Variants in DNAJC8 observed in about 807,000 individuals in gnomAD.
DNAJC8 encodes dnaJ homolog subfamily C member 8.
In DNAJC8, 24 loss-of-function variants were observed where a neutral mutation model predicts 43.2. The ratio of observed to expected loss-of-function variants is 0.56; its 90% CI spans 0.40 to 0.78. The LOEUF (loss-of-function observed/expected upper bound fraction) is 0.78, where lower values mean the gene tolerates loss of function less well. Ranked by LOEUF, DNAJC8 falls within the 30% of genes least tolerant of loss-of-function variation. The pLI, the probability that DNAJC8 is intolerant of heterozygous loss-of-function variation, is 0.00. For missense variants in DNAJC8, 207 were observed against 299.4 expected (o/e 0.69, Z 2.28); for synonymous variants, 83 against 98.0 (o/e 0.85, Z 0.90).
chr1:28,208,268 TTC>T (rs1241016209), intron 6 of DNAJC8, 72 bp downstream of exon 6: 2 of 1,114,080 alleles, frequency 1.8e-6, no homozygotes, highest in Admixed American at 2.3e-5. Context: ...TTCTTTTGGC[TTC>T]TGTCTCTGTA....
chr1:28,226,634 G>T (rs1446444101), intron 2 of DNAJC8, among the ~76,000 whole-genome samples: 3 of 151,042 alleles, frequency 2.0e-5, no homozygotes, highest in African/African-American at 7.3e-5. Context: ...TTTCTTGGGG[G>T]GTGACATATT....
Position 28,229,057 on chromosome 1 carries a change from G to C in DNAJC8, c.79-34C>G, listed in dbSNP as rs751548767. ...ATGAGGATTAAAAACTTCATTAATA[G>C]AATTCAATAACAAACTGAATTATCT... On this transcript the variant is annotated intron_variant, in intron 1 of 8. Transcript: ENST00000263697. The C allele has an allele frequency of 4.5e-6, 7 of 1,538,806 alleles. No individual in the cohort carries two copies. In the South Asian group the frequency reaches 7.9e-5, roughly 17 times the overall value.
At chr1:28,232,736 C>G (rs182710353) in intron 1 of DNAJC8, among the ~76,000 whole-genome samples, 185 bp downstream of exon 1, 1 of 152,260 alleles carries the variant, frequency 6.6e-6, no homozygotes, top group Admixed American at 6.5e-5. Flanking sequence ...CTTTCGTTGC[C>G]CCGGGGGATC....
chr1:28,204,882 G>T (rs1203015881), intron 7 of DNAJC8, among the ~76,000 whole-genome samples: 1 of 152,072 alleles, frequency 6.6e-6, no homozygotes, highest in Non-Finnish European at 1.5e-5. Flanking sequence ...AATTAGCCGG[G>T]CATGGTGGTG....
At chr1:28,206,095 G>A (rs972955958) in intron 6 of DNAJC8, among the ~76,000 whole-genome samples, 4 of 152,138 alleles carry the variant, frequency 2.6e-5, no homozygotes, top group Admixed American at 6.5e-5. Context: ...AGAAGGCTGA[G>A]GTGGGAGGAT....
chr1:28,207,207 G>A (rs565212259), intron 6 of DNAJC8, among the ~76,000 whole-genome samples: 69 of 151,788 alleles, frequency 4.5e-4, no homozygotes, highest in African/African-American at 1.4e-3. Flanking sequence ...ATGACATCCC[G>A]TCTCTATTAA....
At chr1:28,226,264 GA>G (rs1356200390) in intron 2 of DNAJC8, among the ~76,000 whole-genome samples, 1 of 151,090 alleles carries the variant, frequency 6.6e-6, no homozygotes, top group African/African-American at 2.4e-5. Flanking sequence ...ACGGCACTTT[GA>G]GAGGCCGAGG....
chr1:28,216,564 G>C (rs1007024946), intron 2 of DNAJC8, among the ~76,000 whole-genome samples: 6 of 151,908 alleles, frequency 3.9e-5, no homozygotes, highest in Non-Finnish European at 8.8e-5. Context: ...AATAAATTTT[G>C]CTGTGTGTAT....
intron 7 of DNAJC8, among the ~76,000 whole-genome samples, chr1:28,204,908 A>G (rs1646758895): frequency 6.6e-6 from 1 of 152,194 alleles, no homozygotes; most frequent in African/African-American, 2.4e-5. Flanking sequence ...CTGTAGTCCC[A>G]GCTACTCAGG....
chr1:28,214,967 A>C lies in DNAJC8; in HGVS notation c.210T>G (p.Asp70Glu). The change falls in exon 3 of 9, where the codon GAT becomes GAG. Residue 70 changes from aspartate (D) to glutamate (E), a missense_variant. This residue lies in a region of DNAJC8 where 159 missense variants were observed against 267.5 expected (regional missense o/e 0.59). Coordinates refer to ENST00000263697, the MANE Select transcript of DNAJC8 (RefSeq NM_014280.3). The part of the protein sequence containing the change: ...EVLQIDPEVT[D>E]EEIKKRFRQL... ...GCCGAAACCTCTTTTTTATTTCTTCATCTGTAACTTCAGGATCTATCTGAA... is the reference window on the plus strand; with the variant it reads ...GCCGAAACCTCTTTTTTATTTCTTCCTCTGTAACTTCAGGATCTATCTGAA... 6.2e-7 allele frequency: 1 copy of C among 1,609,104 alleles called. No homozygotes were observed. The highest frequency in any genetic ancestry group is 8.5e-7 in the Non-Finnish European group (1 of 1,177,658).
intron 1 of DNAJC8, among the ~76,000 whole-genome samples, chr1:28,231,558 T>C (rs1646975111): frequency 6.7e-6 from 1 of 149,568 alleles, no homozygotes; most frequent in Non-Finnish European, 1.5e-5. Flanking sequence ...CTACCAAAAA[T>C]ACAAAAATTA....
chr1:28,204,829 C>T (rs1367449977), intron 7 of DNAJC8, among the ~76,000 whole-genome samples: 1 of 152,156 alleles, frequency 6.6e-6, no homozygotes, highest in Non-Finnish European at 1.5e-5. Context: ...TCGAGACCAT[C>T]CTGGCCAACA....
At chr1:28,203,539 A>T (rs925712911) in intron 8 of DNAJC8, among the ~76,000 whole-genome samples, 3 of 152,216 alleles carry the variant, frequency 2.0e-5, no homozygotes, top group Non-Finnish European at 4.4e-5. Context: ...AATAAATTTT[A>T]AAAAAGCCAT....
intron 3 of DNAJC8, among the ~76,000 whole-genome samples, chr1:28,212,172 T>TAA (rs1557707893): frequency 0.034 from 393 of 11,666 alleles, 4 homozygotes; most frequent in African/African-American, 0.07. Flanking sequence ...TAAATAAATA[T>TAA]ATATATATAT....
intron 2 of DNAJC8, among the ~76,000 whole-genome samples, chr1:28,221,094 C>T (rs376218628): frequency 1.3e-5 from 2 of 151,884 alleles, no homozygotes; most frequent in East Asian, 1.9e-4. Context: ...AATCCCAGCA[C>T]TTTGGGAGGC....
intron 2 of DNAJC8, among the ~76,000 whole-genome samples, chr1:28,220,189 A>T (rs2149021327): frequency 6.6e-6 from 1 of 152,344 alleles, no homozygotes; most frequent in Non-Finnish European, 1.5e-5. Flanking sequence ...TTATTTTTCC[A>T]AGAGTTATAT....
chr1:28,206,489 T>C (rs1248792450), intron 6 of DNAJC8, among the ~76,000 whole-genome samples: 2 of 152,140 alleles, frequency 1.3e-5, no homozygotes, highest in Non-Finnish European at 2.9e-5. Flanking sequence ...TGAGTTAAGA[T>C]CATGCCACTA....
intron 3 of DNAJC8, among the ~76,000 whole-genome samples, chr1:28,212,628 A>G (rs1369935164): frequency 1.3e-5 from 2 of 152,128 alleles, no homozygotes; most frequent in Non-Finnish European, 2.9e-5. Flanking sequence ...GCTAAAAAAA[A>G]AAGAACTTTC....
In DNAJC8 at chr1:28,228,996, C is replaced by G; in HGVS notation, c.106G>C (p.Val36Leu). ...EVKQIEKRDS[V>L]LTSKNQIERL... ...TCAATCTGATTTTTCGAAGTTAGAA[C>G]CGAGTCTCTCTTCTCTATTTGTTTC... The change falls in exon 2 of 9, where the codon GTT (valine) becomes CTT (leucine). Residue 36 changes from valine (V) to leucine (L), a missense_variant. Val to Leu is a conservative substitution (Grantham distance 32). Around this residue, in one of 2 missense-constraint regions of DNAJC8, gnomAD observed 159 missense variants for 267.5 expected, o/e 0.59. Coordinates refer to ENST00000263697, the MANE Select transcript of DNAJC8 (RefSeq NM_014280.3). The G allele has an allele frequency of 1.2e-6, 2 of 1,613,970 alleles. No individual in the cohort carries two copies. Among genetic ancestry groups the G allele is most frequent in the Non-Finnish European group, 1.7e-6 (2 of 1,179,958 alleles).
Sources: allele counts gnomAD v4.1 joint callset (sites outside exome capture counted in the v4.1 genomes callset), GRCh38; gene constraint gnomAD v4.1.1; regional missense constraint gnomAD v4.1.1; transcripts MANE v1.5; gene names NCBI Gene and HGNC (gene_info 2026-07-23, HGNC 2026-07-21).